The following BMAL1 variants were observed in gnomAD, a reference collection of about 807,000 sequenced individuals.
BMAL1 encodes the protein basic helix-loop-helix ARNT-like protein 1.
At chr11:13,384,338 T>C in the BMAL1 span, among the ~76,000 whole-genome samples, 1 of 152,210 alleles carries the variant, frequency 6.6e-6, no homozygotes, top group Non-Finnish European at 1.5e-5. Context: ...AATGTGTCAA[T>C]ATATAGAAGA....
chr11:13,357,008 A>G, the BMAL1 span: 2 of 1,613,626 alleles, frequency 1.2e-6, no homozygotes, highest in Non-Finnish European at 1.7e-6. This position sits in a 1 kb window ranked among gnomAD's most constrained non-coding sequence, Gnocchi z 4.8. Flanking sequence ...TTTGCCATTC[A>G]TCTCCAGAGA....
chr11:13,333,239 T>C, the BMAL1 span, among the ~76,000 whole-genome samples: 2 of 152,198 alleles, frequency 1.3e-5, no homozygotes, highest in African/African-American at 4.8e-5. Flanking sequence ...AGTGCTGGGA[T>C]TACAGGCGTG....
At chr11:13,308,110 T>G in the BMAL1 span, among the ~76,000 whole-genome samples, 114 of 152,238 alleles carry the variant, frequency 7.5e-4, 1 homozygote, top group African/African-American at 2.2e-3. Context: ...GAATACATTT[T>G]GAAGGTAAGA....
At chr11:13,355,023 TCA>T in the BMAL1 span, 29 of 416,206 alleles carry the variant, frequency 7.0e-5, no homozygotes, top group East Asian at 9.4e-4. Context: ...AAGTAAATTT[TCA>T]CACTTACAGT....
the BMAL1 span, among the ~76,000 whole-genome samples, chr11:13,302,878 G>C: frequency 6.6e-6 from 1 of 152,280 alleles, no homozygotes; most frequent in South Asian, 2.1e-4. Context: ...ATTTCTTCCG[G>C]AAGAGTTTGT....
chr11:13,354,198 C>T, the BMAL1 span: 12 of 698,066 alleles, frequency 1.7e-5, no homozygotes, highest in Non-Finnish European at 2.5e-5. Context: ...TCTCCCCCCC[C>T]GGCCCCCCAC....
chr11:13,307,566 A>C, the BMAL1 span, among the ~76,000 whole-genome samples: 1 of 152,266 alleles, frequency 6.6e-6, no homozygotes, highest in Non-Finnish European at 1.5e-5. Flanking sequence ...AAGGGCATAA[A>C]GAATGAGTCT....
the BMAL1 span, among the ~76,000 whole-genome samples, chr11:13,321,573 T>TA: frequency 6.6e-6 from 1 of 152,142 alleles, no homozygotes; most frequent in African/African-American, 2.4e-5. Flanking sequence ...TGTCTGAACA[T>TA]ATGAGAACAC....
At chr11:13,297,672 T>A in the BMAL1 span, among the ~76,000 whole-genome samples, 3 of 152,214 alleles carry the variant, frequency 2.0e-5, no homozygotes, top group African/African-American at 7.2e-5. Flanking sequence ...CCAAGTGTGC[T>A]AGGCCCTGCC....
the BMAL1 span, among the ~76,000 whole-genome samples, chr11:13,296,522 C>T: frequency 6.6e-6 from 1 of 152,198 alleles, no homozygotes; most frequent in South Asian, 2.1e-4. Flanking sequence ...GAAAGGGGAG[C>T]TTATTACTAT....
the BMAL1 span, among the ~76,000 whole-genome samples, chr11:13,302,427 G>GA: frequency 3.9e-4 from 60 of 152,336 alleles, no homozygotes; most frequent in African/African-American, 1.4e-3. Context: ...GGGCAGGTGA[G>GA]AGCTGGCACT....
chr11:13,381,758 GGATCA>G, the BMAL1 span, among the ~76,000 whole-genome samples: 1 of 152,138 alleles, frequency 6.6e-6, no homozygotes, highest in African/African-American at 2.4e-5. Context: ...TCCAAGCAGT[GGATCA>G]ATCACCAGCC....
the BMAL1 span, among the ~76,000 whole-genome samples, chr11:13,291,524 C>T: frequency 6.6e-6 from 1 of 152,192 alleles, no homozygotes; most frequent in Non-Finnish European, 1.5e-5. Context: ...GACATCTCCT[C>T]TTGTGGACTG....
At chr11:13,342,563 G>A in the BMAL1 span, among the ~76,000 whole-genome samples, 1 of 152,194 alleles carries the variant, frequency 6.6e-6, no homozygotes. Flanking sequence ...CCACAGGGCT[G>A]CGTTTAAAGG....
the BMAL1 span, among the ~76,000 whole-genome samples, chr11:13,286,534 A>G: frequency 4.6e-5 from 7 of 152,158 alleles, no homozygotes; most frequent in Non-Finnish European, 2.9e-5. Context: ...TAGCAGGGAA[A>G]CGTAGATATA....
the BMAL1 span, chr11:13,365,321 A>AC: frequency 8.2e-5 from 39 of 474,994 alleles, 1 homozygote; most frequent in South Asian, 1.5e-4. Flanking sequence ...ACACACACAC[A>AC]ATCTTACAGT....
chr11:13,299,887 A>T, the BMAL1 span, among the ~76,000 whole-genome samples: 2 of 152,130 alleles, frequency 1.3e-5, no homozygotes, highest in Non-Finnish European at 2.9e-5. Context: ...ACTTGAGGAG[A>T]GCTGGGCCTT....
At chr11:13,386,696 G>A in the BMAL1 span, 1 of 1,614,174 alleles carries the variant, frequency 6.2e-7, no homozygotes, top group Non-Finnish European at 8.5e-7. Context: ...TGAGCCTCTT[G>A]GAAGCAGATG....
chr11:13,359,344 T>G, the BMAL1 span, among the ~76,000 whole-genome samples: 1 of 152,208 alleles, frequency 6.6e-6, no homozygotes, highest in Non-Finnish European at 1.5e-5. Flanking sequence ...GTAGAAGAAT[T>G]GCGTCTTTTT....
Sources: allele counts gnomAD v4.1 joint callset (sites outside exome capture counted in the v4.1 genomes callset), GRCh38; gene constraint gnomAD v4.1.1; non-coding constraint Gnocchi (gnomAD v3.1); transcripts MANE v1.5; gene names NCBI Gene and HGNC (gene_info 2026-07-23, HGNC 2026-07-21).